Variants in RAPGEF4 observed in about 807,000 individuals in gnomAD.
RAPGEF4 encodes RAP guanine-nucleotide-exchange factor (GEF) 4.
RAPGEF4 carries 66 observed loss-of-function variants against 147.9 expected under a neutral mutation model. The ratio of observed to expected loss-of-function variants is 0.45; its 90% CI spans 0.37 to 0.55. RAPGEF4 has a LOEUF of 0.55. RAPGEF4 is among the 20% of genes least tolerant of loss of function. The pLI is 0.00. For synonymous variants in RAPGEF4, 419 were observed against 442.7 expected (o/e 0.95, Z 0.67); for missense variants, 1,071 against 1,257.3 (o/e 0.85, Z 2.24).
intron 3 of RAPGEF4, among the ~76,000 whole-genome samples, chr2:172,808,433 A>C (rs1179310108): frequency 6.6e-6 from 1 of 152,222 alleles, no homozygotes; most frequent in Non-Finnish European, 1.5e-5. Context: ...ACTAGGGGAC[A>C]GAAAAACTTG....
At chr2:172,848,338 A>T (rs1479010979) in intron 4 of RAPGEF4, among the ~76,000 whole-genome samples, 7 of 152,088 alleles carry the variant, frequency 4.6e-5, no homozygotes, top group African/African-American at 7.2e-5. Context: ...TTCACACTAG[A>T]TCCCTTCTGT....
rs570742767 is a variant in RAPGEF4, at chr2:173,051,344, C to T, written c.2909-296C>T. The stretch of plus-strand genomic sequence containing the variant: ...AAAGGGAAACAATTTTAATCTATAC[C>T]CAGGGGCTATCAGACACATGCTTCC... On this transcript the variant is annotated intron_variant, in intron 30 of 30. Transcript: ENST00000397081. Among the ~76,000 whole-genome samples the T allele has an allele frequency of 3.3e-5, 5 of 152,098 alleles. No homozygotes were observed. In the South Asian group the frequency reaches 1.0e-3, roughly 32 times the overall value.
At chr2:172,912,804 T>C (rs1009319444) in intron 4 of RAPGEF4, among the ~76,000 whole-genome samples, 1 of 151,968 alleles carries the variant, frequency 6.6e-6, no homozygotes, top group Non-Finnish European at 1.5e-5. Context: ...TCCACATTCC[T>C]GCAGGCATCA....
intron 9 of RAPGEF4, among the ~76,000 whole-genome samples, chr2:172,966,806 G>A (rs750504174): frequency 6.6e-6 from 1 of 152,194 alleles, no homozygotes; most frequent in Admixed American, 6.5e-5. Context: ...CAGTACAGTT[G>A]ATAAACAGTA....
chr2:173,022,803 C>T (rs1472048616), intron 23 of RAPGEF4, among the ~76,000 whole-genome samples: 4 of 152,192 alleles, frequency 2.6e-5, no homozygotes, highest in Non-Finnish European at 4.4e-5. Context: ...GGCAAGTTAG[C>T]CTAGTGGTTA....
intron 17 of RAPGEF4, among the ~76,000 whole-genome samples, chr2:173,009,892 A>T (rs1694845127): frequency 6.6e-6 from 1 of 152,216 alleles, no homozygotes; most frequent in Non-Finnish European, 1.5e-5. Flanking sequence ...TACATCTCAG[A>T]TGGATTTTCC....
At chr2:172,949,655 A>T (rs1426970593) in intron 6 of RAPGEF4, among the ~76,000 whole-genome samples, 1 of 152,216 alleles carries the variant, frequency 6.6e-6, no homozygotes, top group Non-Finnish European at 1.5e-5. Flanking sequence ...TCTCATTTTT[A>T]AACATCTTGT....
At chr2:172,859,825 C>T (rs559876805) in intron 4 of RAPGEF4, among the ~76,000 whole-genome samples, 4 of 152,206 alleles carry the variant, frequency 2.6e-5, no homozygotes, top group South Asian at 2.1e-4. Flanking sequence ...CTACTGTTTT[C>T]GAGCATAAAT....
chr2:172,911,527 C>T (rs981985194), intron 4 of RAPGEF4, among the ~76,000 whole-genome samples: 1 of 152,060 alleles, frequency 6.6e-6, no homozygotes, highest in Non-Finnish European at 1.5e-5. Flanking sequence ...GGTGCAACCT[C>T]AGCTCACTGT....
chr2:172,755,551 G>A (rs182773304), intron 1 of RAPGEF4, among the ~76,000 whole-genome samples: 16 of 152,060 alleles, frequency 1.1e-4, no homozygotes, highest in African/African-American at 3.4e-4. Context: ...GCACCACCAC[G>A]CCCAGCTACT....
intron 16 of RAPGEF4, 58 bp from the exon 17 acceptor site, chr2:173,001,208 C>G: frequency 1.9e-6 from 3 of 1,607,610 alleles, no homozygotes; most frequent in Non-Finnish European, 1.7e-6. Context: ...GATACTCTTG[C>G]TTTCCTAAAG....
At chr2:172,931,008 C>A (rs184341591) in intron 6 of RAPGEF4, among the ~76,000 whole-genome samples, 1 of 152,214 alleles carries the variant, frequency 6.6e-6, no homozygotes, top group East Asian at 1.9e-4. Context: ...TTGTTACAAT[C>A]CATGTCCCTA....
At chr2:172,829,591 T>C (rs1690066906) in intron 4 of RAPGEF4, among the ~76,000 whole-genome samples, 1 of 152,174 alleles carries the variant, frequency 6.6e-6, no homozygotes, top group Non-Finnish European at 1.5e-5. Flanking sequence ...CCAGAAACTA[T>C]TCTTATCTTT....
intron 1 of RAPGEF4, among the ~76,000 whole-genome samples, chr2:172,781,456 G>C (rs1376383200): frequency 6.6e-6 from 1 of 152,098 alleles, no homozygotes; most frequent in Non-Finnish European, 1.5e-5. Flanking sequence ...TTTTAGCAGA[G>C]ATGAGGTCTT....
intron 1 of RAPGEF4, among the ~76,000 whole-genome samples, chr2:172,770,633 T>C (rs1290981772): frequency 6.6e-6 from 1 of 152,190 alleles, no homozygotes; most frequent in African/African-American, 2.4e-5. Flanking sequence ...CCTGTTCACA[T>C]TGCACCCACA....
At position 172,847,354 on chromosome 2, in the gene RAPGEF4, C is replaced by T. The variant is rs188304590; in HGVS notation, c.444+32929C>T. ...GGGAAACAATATGAAAATGGTCTTG[C>T]GTGGCAGGGTGACTGTACCCAGATG... On this transcript the variant is annotated intron_variant, in intron 4 of 30. Transcript: ENST00000397081. 3.3e-3 allele frequency among the ~76,000 whole-genome samples: 503 copies of T among 152,272 alleles called. 4 individuals carry two copies. The highest frequency in any genetic ancestry group is 5.3e-3 in the Non-Finnish European group (363 of 68,012).
At chr2:172,742,925 G>A (rs1320997542) in intron 1 of RAPGEF4, among the ~76,000 whole-genome samples, 1 of 152,162 alleles carries the variant, frequency 6.6e-6, no homozygotes, top group African/African-American at 2.4e-5. Flanking sequence ...AGCAAATCCA[G>A]CCTCTTTGTC....
At chr2:172,804,318 G>A (rs950847352) in intron 3 of RAPGEF4, among the ~76,000 whole-genome samples, 1 of 152,070 alleles carries the variant, frequency 6.6e-6, no homozygotes. Context: ...AAAACACACA[G>A]CTTCTTCTGT....
At chr2:172,918,673 G>A (rs775975494) in intron 5 of RAPGEF4, among the ~76,000 whole-genome samples, 54 of 152,022 alleles carry the variant, frequency 3.6e-4, no homozygotes, top group Non-Finnish European at 1.5e-4. Context: ...CATGCATGTC[G>A]GAAACATGGT....
Sources: gnomAD v4.1 joint callset for allele counts (sites outside exome capture counted in the v4.1 genomes callset) on GRCh38, gnomAD v4.1.1 for gene constraint, MANE v1.5 for transcripts, NCBI Gene and HGNC (gene_info 2026-07-23, HGNC 2026-07-21) for gene names.